Variants in CYP2C19 observed in about 807,000 individuals in gnomAD.
The protein encoded by CYP2C19 is cytochrome P450 2C19.
A neutral mutation model predicts 40.9 loss-of-function variants in CYP2C19; 59 were observed. The observed-to-expected ratio is 1.44, with a 90% CI of 1.17 to 1.79. The LOEUF is 1.79. CYP2C19 is among the 40% of genes most tolerant of loss of function. The pLI, the probability that CYP2C19 is intolerant of heterozygous loss-of-function variation, is 0.00. For missense variants in CYP2C19, 754 were observed against 596.9 expected, an observed-to-expected ratio of 1.26 and a Z score of -2.74; for synonymous variants, 253 against 208.7, an observed-to-expected ratio of 1.21 and a Z score of -1.83.
At chr10:94,825,016 A>C (rs1849192439) in intron 6 of CYP2C19, among the ~76,000 whole-genome samples, 1 of 129,110 alleles carries the variant, frequency 7.7e-6, no homozygotes, top group African/African-American at 3.0e-5. Context: ...ATAGTATTCC[A>C]TGGTGTATAT....
intron 5 of CYP2C19, among the ~76,000 whole-genome samples, chr10:94,796,858 C>T (rs189542325): frequency 6.6e-6 from 1 of 152,272 alleles, no homozygotes; most frequent in Non-Finnish European, 1.5e-5. Context: ...TGAGACTTTA[C>T]TGAAGTTGCT....
chr10:94,784,030 C>A (rs1024885817), intron 5 of CYP2C19, among the ~76,000 whole-genome samples: 3 of 152,160 alleles, frequency 2.0e-5, no homozygotes, highest in Admixed American at 2.0e-4. Flanking sequence ...TATCACGCCA[C>A]AAAAACGTAT....
At chr10:94,822,829 G>A (rs1849150212) in intron 6 of CYP2C19, among the ~76,000 whole-genome samples, 3 of 152,108 alleles carry the variant, frequency 2.0e-5, no homozygotes, top group Non-Finnish European at 4.4e-5. Flanking sequence ...CTGATGATTA[G>A]TGATGTTGAA....
intron 5 of CYP2C19, among the ~76,000 whole-genome samples, chr10:94,814,221 T>C (rs1848968267): frequency 6.6e-6 from 1 of 151,858 alleles, no homozygotes; most frequent in South Asian, 2.1e-4. Flanking sequence ...CTGGAGCTTT[T>C]CTTATTCAGT....
At chr10:94,769,383 G>A (rs1004610175) in intron 1 of CYP2C19, among the ~76,000 whole-genome samples, 4 of 152,188 alleles carry the variant, frequency 2.6e-5, no homozygotes, top group East Asian at 3.9e-4. Context: ...AAGTTGGGAC[G>A]TGTGGTCTGA....
intron 1 of CYP2C19, among the ~76,000 whole-genome samples, chr10:94,773,288 G>A (rs1339785420): frequency 6.6e-6 from 1 of 152,176 alleles, no homozygotes; most frequent in African/African-American, 2.4e-5. Context: ...TGAAGCTGCG[G>A]ACCCACATGG....
chr10:94,827,889 A>T (rs1281670018), intron 6 of CYP2C19, among the ~76,000 whole-genome samples: 1 of 151,880 alleles, frequency 6.6e-6, no homozygotes, highest in African/African-American at 2.4e-5. Context: ...GTTTCAAAGA[A>T]CATCTTTATT....
At chr10:94,778,232 C>T (rs1848436329) in intron 3 of CYP2C19, among the ~76,000 whole-genome samples, 1 of 152,184 alleles carries the variant, frequency 6.6e-6, no homozygotes, top group Non-Finnish European at 1.5e-5. Context: ...AGGTCAGTTC[C>T]TGGTCAACAT....
chr10:94,798,286 A>G (rs1420126283), intron 5 of CYP2C19, among the ~76,000 whole-genome samples: 5 of 152,008 alleles, frequency 3.3e-5, no homozygotes, highest in African/African-American at 1.2e-4. Context: ...TCAGTTTCCA[A>G]GGGGTTGTGT....
chr10:94,789,239 T>G (rs1848578176), intron 5 of CYP2C19, among the ~76,000 whole-genome samples: 1 of 152,082 alleles, frequency 6.6e-6, no homozygotes, highest in East Asian at 1.9e-4. Context: ...TGATTCTGGA[T>G]AGTTGCCCTT....
chr10:94,812,446 C>T (rs1009909324), intron 5 of CYP2C19, among the ~76,000 whole-genome samples: 3 of 151,944 alleles, frequency 2.0e-5, no homozygotes, highest in Non-Finnish European at 4.4e-5. Context: ...GGAAGTTCTC[C>T]TGGATAATAT....
chr10:94,817,819 C>A (rs1024335089), intron 5 of CYP2C19, among the ~76,000 whole-genome samples: 27 of 151,820 alleles, frequency 1.8e-4, no homozygotes, highest in Non-Finnish European at 5.9e-5. Flanking sequence ...CGAGACCATC[C>A]TGGCTAAAAC....
At chr10:94,827,494 G>A (rs919512531) in intron 6 of CYP2C19, among the ~76,000 whole-genome samples, 2 of 151,936 alleles carry the variant, frequency 1.3e-5, no homozygotes, top group African/African-American at 4.8e-5. Flanking sequence ...TATTTCTGTG[G>A]GATCGGTGGT....
chr10:94,789,173 A>T (rs1848577531), intron 5 of CYP2C19, among the ~76,000 whole-genome samples: 1 of 151,432 alleles, frequency 6.6e-6, no homozygotes, highest in Non-Finnish European at 1.5e-5. Flanking sequence ...GATATCCTTC[A>T]CCCACTTTTT....
chr10:94,769,770 G>T (rs549911896), intron 1 of CYP2C19, among the ~76,000 whole-genome samples: 7 of 152,210 alleles, frequency 4.6e-5, no homozygotes, highest in East Asian at 1.9e-4. Flanking sequence ...GATTTGGACT[G>T]GGTGGGCATT....
chr10:94,803,274 T>A (rs1435246365), intron 5 of CYP2C19, among the ~76,000 whole-genome samples: 1 of 152,112 alleles, frequency 6.6e-6, no homozygotes, highest in Non-Finnish European at 1.5e-5. Context: ...TCCCTTCCAA[T>A]GGGGGTGTAA....
At position 94,769,593 on chromosome 10, in the gene CYP2C19, CTGTT is replaced by C. The variant is rs563144054; in HGVS notation, c.169-5462_169-5459del. 3.1e-3 allele frequency among the ~76,000 whole-genome samples: 474 copies of C among 152,284 alleles called. 3 individuals are homozygous for C. The highest frequency in any genetic ancestry group is 0.011 in the African/African-American group (451 of 41,570). ...AAGATCTTGCACTAGTCTCCACAGA[CTGTT>C]TGGTTTTTGTACTCCTAGAATTGGG... On this transcript the variant is annotated intron_variant, in intron 1 of 8. Transcript: ENST00000371321.
intron 5 of CYP2C19, among the ~76,000 whole-genome samples, chr10:94,784,426 G>A (rs1485250095): frequency 6.6e-6 from 1 of 151,820 alleles, no homozygotes; most frequent in Non-Finnish European, 1.5e-5. Context: ...TGATTTGCTG[G>A]GTCAAATGGT....
chr10:94,792,570 A>G (rs77120885), intron 5 of CYP2C19, among the ~76,000 whole-genome samples: 11,090 of 152,188 alleles, frequency 0.073, 469 homozygotes, highest in South Asian at 0.12. Context: ...ATTCTTCAGC[A>G]TTAGCTCGTC....
Sources: allele counts gnomAD v4.1 joint callset (sites outside exome capture counted in the v4.1 genomes callset), GRCh38; gene constraint gnomAD v4.1.1; transcripts MANE v1.5; gene names NCBI Gene and HGNC (gene_info 2026-07-23, HGNC 2026-07-21).